Variants in LDB2 observed in about 807,000 individuals in gnomAD.
LDB2 encodes LIM domain-binding protein 2.
A neutral mutation model predicts 44.3 loss-of-function variants in LDB2; 12 were observed. The ratio of observed to expected loss-of-function variants is 0.27; its 90% CI spans 0.17 to 0.44. The LOEUF (loss-of-function observed/expected upper bound fraction) is 0.44, where lower values mean the gene tolerates loss of function less well. Among genes scored for constraint, LDB2 ranks in the 20% least tolerant of loss-of-function variants. The probability of loss-of-function intolerance (pLI) is 1.00; values close to 1 mark genes in which losing one functional copy is unlikely to be tolerated. For missense variants in LDB2, 344 were observed against 473.5 expected (o/e 0.73, Z 2.54); for synonymous variants, 164 against 174.8 (o/e 0.94, Z 0.49).
intron 1 of LDB2, among the ~76,000 whole-genome samples, chr4:16,823,162 T>G (rs1013108497): frequency 2.6e-5 from 4 of 152,232 alleles, no homozygotes; most frequent in African/African-American, 7.2e-5. Context: ...ACTGTCACCA[T>G]AGAATTTGAT....
intron 1 of LDB2, among the ~76,000 whole-genome samples, chr4:16,850,857 G>A (rs1645381007): frequency 1.3e-5 from 2 of 152,134 alleles, no homozygotes; most frequent in Middle Eastern, 3.4e-3. Flanking sequence ...TCCAGGAAGT[G>A]TTTGGACATA....
intron 2 of LDB2, among the ~76,000 whole-genome samples, chr4:16,718,771 A>T (rs1320674022): frequency 6.6e-6 from 1 of 152,136 alleles, no homozygotes; most frequent in Non-Finnish European, 1.5e-5. Flanking sequence ...TCCCAATCTT[A>T]CTTGATCATG....
At chr4:16,565,366 A>T (rs968533779) in intron 5 of LDB2, among the ~76,000 whole-genome samples, 1 of 152,214 alleles carries the variant, frequency 6.6e-6, no homozygotes, top group Non-Finnish European at 1.5e-5. Flanking sequence ...ATATTTACTC[A>T]TAATAATAAA....
rs559155731 is a variant in LDB2, at chr4:16,839,530, C to T, written c.132+58824G>A. Among the ~76,000 whole-genome samples the T allele has an allele frequency of 3.9e-5, 6 of 152,290 alleles. No homozygotes were observed. The East Asian group carries it at 1.2e-3, about 29-fold the overall frequency. On this transcript the variant is annotated intron_variant, in intron 1 of 7. Coordinates refer to ENST00000304523, the MANE Select transcript of LDB2 (RefSeq NM_001290.5). Reference sequence around the variant, plus strand: ...ACTTGAGATTTGGAGGATACAAACCCAGACTATAACACCCAGTTTGGTGGT... The same window carrying T: ...ACTTGAGATTTGGAGGATACAAACCTAGACTATAACACCCAGTTTGGTGGT...
intron 2 of LDB2, among the ~76,000 whole-genome samples, chr4:16,713,207 A>G (rs1385693911): frequency 6.6e-6 from 1 of 152,214 alleles, no homozygotes; most frequent in Non-Finnish European, 1.5e-5. Context: ...AGGAATGCAA[A>G]TGTGCAGTCT....
intron 1 of LDB2, among the ~76,000 whole-genome samples, chr4:16,876,174 A>G (rs992578649): frequency 1.3e-5 from 2 of 152,222 alleles, no homozygotes; most frequent in African/African-American, 4.8e-5. Flanking sequence ...CTAGACAGAA[A>G]TTCTTCTTAA....
chr4:16,856,554 C>T (rs1469804897), intron 1 of LDB2, among the ~76,000 whole-genome samples: 2 of 152,122 alleles, frequency 1.3e-5, no homozygotes, highest in African/African-American at 2.4e-5. Flanking sequence ...TCTGCCACTG[C>T]AACACAATAG....
At chr4:16,504,544 T>C (rs1413345760) in intron 7 of LDB2, among the ~76,000 whole-genome samples, 1 of 152,214 alleles carries the variant, frequency 6.6e-6, no homozygotes, top group Non-Finnish European at 1.5e-5. Context: ...CCAAGATTTA[T>C]TTATTTATTA....
intron 1 of LDB2, among the ~76,000 whole-genome samples, chr4:16,818,293 T>G (rs999717000): frequency 6.6e-6 from 1 of 152,170 alleles, no homozygotes; most frequent in Non-Finnish European, 1.5e-5. Context: ...AGACTAGAGA[T>G]AGAGCTGGCA....
intron 6 of LDB2, among the ~76,000 whole-genome samples, chr4:16,510,368 GGAT>G (rs1359212459): frequency 6.6e-6 from 1 of 152,092 alleles, no homozygotes; most frequent in Non-Finnish European, 1.5e-5. Flanking sequence ...TTGCTCTGAA[GGAT>G]GAGAGGAACA....
chr4:16,643,193 TG>T (rs34413829), intron 2 of LDB2, among the ~76,000 whole-genome samples: 2,070 of 51,640 alleles, frequency 0.04, 23 homozygotes, highest in Middle Eastern at 0.062. Flanking sequence ...TGGGATGGGG[TG>T]GGGGGGGCAC....
intron 1 of LDB2, among the ~76,000 whole-genome samples, chr4:16,766,419 T>C (rs1769221443): frequency 6.6e-6 from 1 of 151,220 alleles, no homozygotes; most frequent in Non-Finnish European, 1.5e-5. Context: ...CACATATATG[T>C]CTATATATAA....
At chr4:16,577,974 T>C (rs371862003) in intron 5 of LDB2, among the ~76,000 whole-genome samples, 2 of 152,290 alleles carry the variant, frequency 1.3e-5, no homozygotes, top group African/African-American at 4.8e-5. Flanking sequence ...AAGTACAGCC[T>C]ATTCAATACA....
At chr4:16,560,958 G>A (rs1260704971) in intron 5 of LDB2, among the ~76,000 whole-genome samples, 1 of 152,108 alleles carries the variant, frequency 6.6e-6, no homozygotes, top group East Asian at 1.9e-4. Flanking sequence ...CAGAACCAAA[G>A]ACAAAAACCA....
chr4:16,675,495 T>C (rs1746045610), intron 2 of LDB2, among the ~76,000 whole-genome samples: 1 of 151,320 alleles, frequency 6.6e-6, no homozygotes, highest in Admixed American at 6.6e-5. Context: ...ACAGAAAGAA[T>C]ACACAGCCCC....
At chr4:16,782,199 C>T (rs1414220365) in intron 1 of LDB2, among the ~76,000 whole-genome samples, 2 of 152,190 alleles carry the variant, frequency 1.3e-5, no homozygotes, top group East Asian at 3.9e-4. Context: ...CATCTCACAT[C>T]AGGCCGCAAT....
intron 1 of LDB2, among the ~76,000 whole-genome samples, chr4:16,858,212 A>G (rs930857105): frequency 6.6e-6 from 1 of 152,220 alleles, no homozygotes; most frequent in African/African-American, 2.4e-5. Flanking sequence ...AGAAAGGATG[A>G]GTCACTTCCC....
At chr4:16,532,472 G>A (rs936709134) in intron 5 of LDB2, among the ~76,000 whole-genome samples, 18 of 152,130 alleles carry the variant, frequency 1.2e-4, no homozygotes, top group African/African-American at 3.9e-4. Flanking sequence ...TAAAAGCACC[G>A]CTTACAAAGG....
At chr4:16,740,251 C>T (rs572713878) in intron 2 of LDB2, among the ~76,000 whole-genome samples, 1 of 152,150 alleles carries the variant, frequency 6.6e-6, no homozygotes, top group African/African-American at 2.4e-5. Context: ...TGCTAAGACA[C>T]AGTTTCCATC....
Sources: gnomAD v4.1 joint callset for allele counts (sites outside exome capture counted in the v4.1 genomes callset) on GRCh38, gnomAD v4.1.1 for gene constraint, MANE v1.5 for transcripts, NCBI Gene and HGNC (gene_info 2026-07-23, HGNC 2026-07-21) for gene names.